The following MAPK8 variants were observed in gnomAD, a reference collection of about 807,000 sequenced individuals.
MAPK8 encodes the protein mitogen-activated protein kinase 8.
In MAPK8, 13 loss-of-function variants were observed where a neutral mutation model predicts 52.9. The observed-to-expected ratio is 0.25, with a 90% confidence interval of 0.16 to 0.39. The LOEUF is 0.39. Ranked by LOEUF, MAPK8 falls within the 10% of genes least tolerant of loss-of-function variation. The pLI is 1.00. For synonymous variants in MAPK8, 191 were observed against 169.8 expected, an observed-to-expected ratio of 1.12 and a Z score of -0.97; for missense variants, 300 against 519.2, an observed-to-expected ratio of 0.58 and a Z score of 4.10.
chr10:48,438,489 T>TA lies in MAPK8; in HGVS notation c.*3462dup, dbSNP rs1248239524. ...TTAAGTGCTCTTAAGGAGAGTCTAG[T>TA]AACAGTAACACTTTCTGGCCATTTC... is the stretch of plus-strand genomic sequence containing the variant. On this transcript the variant is annotated 3_prime_UTR_variant, in exon 12 of 12. Transcript: ENST00000374189. 1 of 152,246 alleles carries TA rather than the reference T, an allele frequency of 6.6e-6. No individual in the cohort carries two copies. Among genetic ancestry groups the TA allele is most frequent in the East Asian group, 1.9e-4 (1 of 5,208 alleles). The allele number at this position is 152,246 out of a possible 1,614,324, so 9.4% of individuals were successfully genotyped here. A position where few individuals can be genotyped will look rare whatever the true frequency, so the allele number is the denominator to read the frequency against.
intron 5 of MAPK8, among the ~76,000 whole-genome samples, chr10:48,413,817 A>ATATATATATG (rs2042898347): frequency 1.8e-5 from 1 of 55,458 alleles, no homozygotes; most frequent in Non-Finnish European, 3.5e-5. Flanking sequence ...CAGAATTGTT[A>ATATATATATG]TATATATATA....
intron 1 of MAPK8, among the ~76,000 whole-genome samples, chr10:48,322,575 T>C (rs1843104461): frequency 6.6e-6 from 1 of 152,180 alleles, no homozygotes; most frequent in Non-Finnish European, 1.5e-5. Flanking sequence ...TTTATTTACT[T>C]CTAGGTATGA....
intron 1 of MAPK8, among the ~76,000 whole-genome samples, chr10:48,321,621 T>C (rs1843005614): frequency 6.6e-6 from 1 of 152,224 alleles, no homozygotes; most frequent in Non-Finnish European, 1.5e-5. Context: ...TGCATTTTCT[T>C]CTGAGTTTTA....
intron 1 of MAPK8, among the ~76,000 whole-genome samples, chr10:48,323,547 A>G (rs962038846): frequency 3.3e-5 from 5 of 152,228 alleles, no homozygotes; most frequent in Admixed American, 3.3e-4. Context: ...GAGATACAAA[A>G]TGATACTGAT....
chr10:48,378,234 G>A (rs1188473966), intron 1 of MAPK8, among the ~76,000 whole-genome samples: 4 of 152,142 alleles, frequency 2.6e-5, no homozygotes, highest in African/African-American at 7.2e-5. Flanking sequence ...GAGGGAGGAG[G>A]AAATGTCTCA....
intron 2 of MAPK8, among the ~76,000 whole-genome samples, chr10:48,404,464 A>G (rs550637235): frequency 6.6e-6 from 1 of 152,134 alleles, no homozygotes; most frequent in Non-Finnish European, 1.5e-5. Flanking sequence ...CCTCGTATGC[A>G]TTCTTTATCC....
intron 3 of MAPK8, 78 bp from the exon 4 acceptor site, chr10:48,409,799 TAA>T (rs2133072711): frequency 1.1e-6 from 1 of 920,092 alleles, no homozygotes; most frequent in South Asian, 1.6e-5. Flanking sequence ...TAGTTTTTTT[TAA>T]CTCATGTATT....
At chr10:48,424,365 A>T (rs2043544592) in intron 7 of MAPK8, 1 of 643,664 alleles carries the variant, frequency 1.6e-6, no homozygotes, top group South Asian at 2.2e-5. Context: ...CTCTGCTGGT[A>T]GTCAGAGCAC....
rs2043753679 is a variant in MAPK8, at chr10:48,427,411, G to A, written c.1060+268G>A. ...TTGTGAATACACAAATGTGTTTAGT[G>A]TCTCCCACCTCTCCTCTTCCACCCT... On this transcript the variant is annotated intron_variant, in intron 10 of 11. Transcript: ENST00000374189. 10 of 344,082 alleles carry A rather than the reference G, an allele frequency of 2.9e-5. No homozygotes were observed. The East Asian group carries it at 6.1e-4, about 21-fold the overall frequency. 21.3% of individuals were successfully genotyped at this position (344,082 alleles called of 1,614,324 possible).
intron 11 of MAPK8, 64 bp from the exon 12 acceptor site, chr10:48,434,820 A>C: frequency 6.9e-7 from 1 of 1,448,296 alleles, no homozygotes; most frequent in Non-Finnish European, 9.3e-7. Context: ...CAGTCAGTGC[A>C]GTGCAAGTAG....
Position 48,415,747 on chromosome 10 carries a change from C to A in MAPK8, c.451-4408C>A, listed in dbSNP as rs150816929. ...GCGTTTTCAAGGTGAAAGATACTATCCAATTAGGATACACAATTATACATG... is the reference window on the plus strand; with the variant it reads ...GCGTTTTCAAGGTGAAAGATACTATACAATTAGGATACACAATTATACATG... On this transcript the variant is annotated intron_variant, in intron 5 of 11. Coordinates refer to ENST00000374189, the MANE Select transcript of MAPK8 (RefSeq NM_001323329.2). Among the ~76,000 whole-genome samples, 219 of 152,246 alleles carry A rather than the reference C, an allele frequency of 1.4e-3. 1 individual carries two copies. Among genetic ancestry groups the A allele is most frequent in the Non-Finnish European group, 2.4e-3 (160 of 68,024 alleles).
At chr10:48,384,877 A>G (rs1402833905) in intron 1 of MAPK8, among the ~76,000 whole-genome samples, 2 of 152,206 alleles carry the variant, frequency 1.3e-5, no homozygotes, top group African/African-American at 4.8e-5. Flanking sequence ...GGCATAGTTA[A>G]TACAGATAAT....
At chr10:48,369,867 T>C (rs2590380) in intron 1 of MAPK8, among the ~76,000 whole-genome samples, 5,543 of 152,214 alleles carry the variant, frequency 0.036, 284 homozygotes, top group African/African-American at 0.11. Context: ...GCAAGAAGTT[T>C]GTTGATGACC....
chr10:48,355,029 C>T (rs1191332043), intron 1 of MAPK8, among the ~76,000 whole-genome samples: 1 of 152,092 alleles, frequency 6.6e-6, no homozygotes, highest in African/African-American at 2.4e-5. Flanking sequence ...GAGCAGGACT[C>T]AACAGCAGAC....
At chr10:48,376,772 G>A (rs11101308) in intron 1 of MAPK8, among the ~76,000 whole-genome samples, 3,482 of 152,282 alleles carry the variant, frequency 0.023, 144 homozygotes, top group African/African-American at 0.08. Context: ...GTTGGTGGGA[G>A]TGTAAATTAG....
chr10:48,327,020 A>G (rs1442279493), intron 1 of MAPK8, among the ~76,000 whole-genome samples: 1 of 152,230 alleles, frequency 6.6e-6, no homozygotes, highest in Non-Finnish European at 1.5e-5. Context: ...AAACAGAAAC[A>G]GTTTTATTTC....
At chr10:48,408,830 A>G (rs182768454) in intron 3 of MAPK8, among the ~76,000 whole-genome samples, 3 of 152,270 alleles carry the variant, frequency 2.0e-5, no homozygotes, top group East Asian at 3.9e-4. Context: ...TTGCTGGTCA[A>G]TTTGATTCTT....
At chr10:48,426,307 C>A in intron 8 of MAPK8, 73 bp from the exon 9 acceptor site, 1 of 1,359,658 alleles carries the variant, frequency 7.4e-7, no homozygotes, top group South Asian at 1.5e-5. Flanking sequence ...TAAAAAATCT[C>A]AAATTGCTGA....
intron 1 of MAPK8, among the ~76,000 whole-genome samples, chr10:48,336,160 T>A (rs1446698867): frequency 1.3e-5 from 2 of 152,008 alleles, no homozygotes; most frequent in African/African-American, 4.8e-5. Context: ...CCCTGACTGA[T>A]GAGTATTAAA....
Sources: allele counts gnomAD v4.1 joint callset (sites outside exome capture counted in the v4.1 genomes callset), GRCh38; gene constraint gnomAD v4.1.1; transcripts MANE v1.5; gene names NCBI Gene and HGNC (gene_info 2026-07-23, HGNC 2026-07-21).